FAT3: variants seen among roughly 807,000 people sequenced by gnomAD.
FAT3 encodes the protein FAT atypical cadherin 3, also known as protocadherin Fat 3.
Under a neutral mutation model 310.2 loss-of-function variants are expected in FAT3, and 95 were observed. The observed-to-expected ratio is 0.31, with a 90% CI of 0.26 to 0.36. The LOEUF (loss-of-function observed/expected upper bound fraction) is 0.36, where lower values mean the gene tolerates loss of function less well. Ranked by LOEUF, FAT3 falls within the 10% of genes least tolerant of loss-of-function variation. The pLI, the probability that FAT3 is intolerant of heterozygous loss-of-function variation, is 1.00. For missense variants in FAT3, 5,408 were observed against 5,715.6 expected (o/e 0.95, Z 1.74); for synonymous variants, 2,314 against 2,192.9 (o/e 1.06, Z -1.54).
chr11:92,282,895 T>A, intron 1 of FAT3, among the ~76,000 whole-genome samples: 1 of 152,170 alleles, frequency 6.6e-6, no homozygotes. Flanking sequence ...ACCAGGCAAT[T>A]GAAAATTGAA....
intron 1 of FAT3, among the ~76,000 whole-genome samples, chr11:92,229,228 C>T (rs1040431991): frequency 1.3e-5 from 2 of 152,154 alleles, no homozygotes; most frequent in Non-Finnish European, 1.5e-5. Flanking sequence ...TGATCTCTAA[C>T]TGTTGAATAT....
At position 92,548,248 on chromosome 11, in the gene FAT3, G is replaced by T. The variant is rs187168914; in HGVS notation, c.3607+23300G>T. 3.9e-4 allele frequency among the ~76,000 whole-genome samples: 59 copies of T among 152,238 alleles called. No homozygotes were observed. The East Asian group carries it at 0.011, about 27-fold the overall frequency. The stretch of plus-strand genomic sequence containing the variant: ...TTGTTGTGCCCCTCAGGAAAATGGA[G>T]ATGAAGTGGATTTTATACTGTCGTA... On this transcript the variant is annotated intron_variant, in intron 3 of 27. Coordinates refer to ENST00000525166, the MANE Select transcript of FAT3 (RefSeq NM_001367949.2).
intron 13 of FAT3, among the ~76,000 whole-genome samples, chr11:92,829,239 G>C (rs1948177555): frequency 6.6e-6 from 1 of 152,210 alleles, no homozygotes; most frequent in Admixed American, 6.5e-5. Flanking sequence ...TAATGCATCA[G>C]TGAAATGGAT....
intron 26 of FAT3, 103 bp from the exon 27 acceptor site, chr11:92,889,753 G>A (rs1385977889): frequency 2.9e-6 from 2 of 700,894 alleles, no homozygotes; most frequent in African/African-American, 1.8e-5. Context: ...TAGCCCACAG[G>A]CCTTTAGGAG....
intron 4 of FAT3, among the ~76,000 whole-genome samples, chr11:92,726,641 G>C (rs1945009776): frequency 6.6e-6 from 1 of 151,942 alleles, no homozygotes; most frequent in Admixed American, 6.6e-5. Context: ...GCACCAAATT[G>C]TGGCTAAGTC....
chr11:92,754,521 G>A (rs1002660460), intron 4 of FAT3, among the ~76,000 whole-genome samples: 6 of 149,826 alleles, frequency 4.0e-5, no homozygotes, highest in African/African-American at 9.9e-5. Context: ...CCAGCTACTC[G>A]GGAGGCTGAG....
intron 3 of FAT3, among the ~76,000 whole-genome samples, chr11:92,552,123 T>G (rs759649814): frequency 1.3e-5 from 2 of 152,190 alleles, no homozygotes; most frequent in Admixed American, 1.3e-4. Flanking sequence ...ATTGCTAACA[T>G]TACAAATTGC....
At chr11:92,266,994 T>C (rs1004860611) in intron 1 of FAT3, among the ~76,000 whole-genome samples, 12 of 152,118 alleles carry the variant, frequency 7.9e-5, no homozygotes, top group African/African-American at 2.9e-4. Context: ...TGAAAGAACT[T>C]TGGACTTTGC....
Position 92,844,098 on chromosome 11 carries a change from T to C in FAT3, c.10731T>C (p.Asp3577=). 1 of 1,613,928 alleles carries C rather than the reference T, an allele frequency of 6.2e-7. No homozygotes were observed. The highest frequency in any genetic ancestry group is 8.5e-7 in the Non-Finnish European group (1 of 1,179,898). ...TCATTGGGAAGATTCATGCCACAGA[T>C]CAAGACATGTATGATGTGCTCACAT... The part of the protein sequence containing the change: ...GGVIGKIHAT[D]QDMYDVLTFA... Residue 3577 remains aspartate, a synonymous_variant, in exon 19 of 28, where the codon GAT becomes GAC. Transcript: ENST00000525166.
chr11:92,419,983 G>A (rs2134973098), intron 2 of FAT3, among the ~76,000 whole-genome samples: 1 of 152,318 alleles, frequency 6.6e-6, no homozygotes, highest in South Asian at 2.1e-4. Context: ...ACCAAGACAG[G>A]AGGAACACAG....
intron 1 of FAT3, among the ~76,000 whole-genome samples, chr11:92,283,899 C>T (rs1465938721): frequency 1.3e-5 from 2 of 152,038 alleles, no homozygotes; most frequent in African/African-American, 4.8e-5. Context: ...CTTCCTGACC[C>T]ACCCAAGGAG....
At chr11:92,702,424 C>T (rs919606097) in intron 4 of FAT3, among the ~76,000 whole-genome samples, 2 of 152,204 alleles carry the variant, frequency 1.3e-5, no homozygotes, top group Non-Finnish European at 2.9e-5. Context: ...TTTTCGTCTG[C>T]ATGAGCGTTG....
chr11:92,866,898 A>G lies in FAT3; in HGVS notation c.11816A>G (p.Glu3939Gly). 1 of 1,613,976 alleles carries G rather than the reference A, an allele frequency of 6.2e-7. No homozygotes were observed. The highest frequency in any genetic ancestry group is 8.5e-7 in the Non-Finnish European group (1 of 1,179,888). The change falls in exon 22 of 28, where the codon GAG (glutamate) becomes GGG (glycine). Residue 3939 changes from glutamate (E) to glycine (G), a missense_variant. By Grantham distance (98) the Glu-to-Gly change is moderately conservative. Transcript: ENST00000525166. ...TSLSLDDSYVERRRAPLYFQT... is the reference protein window; with the variant it reads ...TSLSLDDSYVGRRRAPLYFQT... Reference sequence around the variant, plus strand: ...CTGTCCCTGGATGACAGCTACGTGGAGCGGCGCCGGGCGCCCCTCTACTTC... The same window carrying G: ...CTGTCCCTGGATGACAGCTACGTGGGGCGGCGCCGGGCGCCCCTCTACTTC...
rs571553349 is a variant in FAT3, at chr11:92,592,532, G to A, written c.3607+67584G>A. Among the ~76,000 whole-genome samples, 7 of 152,028 alleles carry A rather than the reference G, an allele frequency of 4.6e-5. No homozygotes were observed. In the South Asian group the frequency reaches 1.5e-3, roughly 32 times the overall value. ...AGATGGGATTTCACCGTGTTGGTCA[G>A]GCTGGTCTCAAATTCCTGACCTCAT... On this transcript the variant is annotated intron_variant, in intron 3 of 27. Transcript: ENST00000525166.
intron 1 of FAT3, among the ~76,000 whole-genome samples, chr11:92,279,042 C>G (rs776926538): frequency 1.3e-5 from 2 of 152,084 alleles, no homozygotes; most frequent in African/African-American, 4.8e-5. Context: ...ATGGCCATAC[C>G]AAGTGGGTGA....
At chr11:92,658,922 T>TC (rs149296550) in intron 3 of FAT3, among the ~76,000 whole-genome samples, 23 of 149,706 alleles carry the variant, frequency 1.5e-4, no homozygotes, top group Admixed American at 1.1e-3. Context: ...TCATCGTCAT[T>TC]ATCATCATCA....
chr11:92,331,075 T>C (rs2134537208), intron 1 of FAT3, among the ~76,000 whole-genome samples: 1 of 151,916 alleles, frequency 6.6e-6, no homozygotes, highest in African/African-American at 2.4e-5. Context: ...TGTTTAAATG[T>C]TAAGAAAATA....
At chr11:92,769,810 G>A (rs949127049) in intron 6 of FAT3, among the ~76,000 whole-genome samples, 1 of 152,164 alleles carries the variant, frequency 6.6e-6, no homozygotes, top group African/African-American at 2.4e-5. Context: ...TTTGTCATAG[G>A]TTCCTTCAAA....
intron 22 of FAT3, among the ~76,000 whole-genome samples, chr11:92,878,991 T>G (rs1322545820): frequency 1.3e-5 from 2 of 151,822 alleles, no homozygotes; most frequent in Non-Finnish European, 2.9e-5. Context: ...CCATATAAAG[T>G]ACATCACTGC....
Sources: gnomAD v4.1 joint callset for allele counts (sites outside exome capture counted in the v4.1 genomes callset) on GRCh38, gnomAD v4.1.1 for gene constraint, MANE v1.5 for transcripts, NCBI Gene and HGNC (gene_info 2026-07-23, HGNC 2026-07-21) for gene names.